The following PIGN variants were observed in gnomAD, a reference collection of about 807,000 sequenced individuals.
PIGN encodes phosphatidylinositol glycan anchor biosynthesis class N.
Under a neutral mutation model 125.4 loss-of-function variants are expected in PIGN, and 117 were observed. The ratio of observed to expected loss-of-function variants is 0.93; its 90% CI spans 0.80 to 1.09. The LOEUF is 1.09. PIGN is among the 50% of genes least tolerant of loss of function. The probability of loss-of-function intolerance (pLI) is 0.00; values close to 1 mark genes in which losing one functional copy is unlikely to be tolerated. For synonymous variants in PIGN, 392 were observed against 377.8 expected, an observed-to-expected ratio of 1.04 and a Z score of -0.44; for missense variants, 1,075 against 1,094.9, an observed-to-expected ratio of 0.98 and a Z score of 0.26.
At chr18:62,144,879 T>C (rs1382123689) in intron 10 of PIGN, among the ~76,000 whole-genome samples, 1 of 152,116 alleles carries the variant, frequency 6.6e-6, no homozygotes, top group African/African-American at 2.4e-5. Context: ...GGCAGGAAGA[T>C]TGCTTGAGCC....
At chr18:62,166,416 C>T (rs538111039) in intron 1 of PIGN, among the ~76,000 whole-genome samples, 13 of 152,114 alleles carry the variant, frequency 8.5e-5, no homozygotes, top group Admixed American at 3.9e-4. Flanking sequence ...TATTTAGTGG[C>T]GAGGCTGTGG....
At chr18:62,105,370 G>T (rs1397762362) in intron 20 of PIGN, 173 bp downstream of exon 20, 1 of 419,418 alleles carries the variant, frequency 2.4e-6, no homozygotes. Flanking sequence ...GAGGTTTAAT[G>T]ACTCTTAGAA....
chr18:62,018,695 C>T (rs532475056), intron 23 of PIGN, among the ~76,000 whole-genome samples: 1 of 152,276 alleles, frequency 6.6e-6, no homozygotes, highest in Non-Finnish European at 1.5e-5. Flanking sequence ...CCAGAGGAAG[C>T]AGTACATTTT....
At chr18:62,138,211 T>A in intron 14 of PIGN, 32 bp downstream of exon 14, 1 of 1,539,434 alleles carries the variant, frequency 6.5e-7, no homozygotes, top group Non-Finnish European at 8.7e-7. Flanking sequence ...AATTCTTTCC[T>A]TCAAGTTAAT....
intron 23 of PIGN, among the ~76,000 whole-genome samples, chr18:62,093,287 A>G (rs2034045816): frequency 6.6e-6 from 1 of 152,128 alleles, no homozygotes; most frequent in Non-Finnish European, 1.5e-5. Flanking sequence ...TTTCTTTTGT[A>G]AAATGGAGAT....
chr18:62,115,435 T>C (rs977635027), intron 14 of PIGN, among the ~76,000 whole-genome samples: 1 of 152,208 alleles, frequency 6.6e-6, no homozygotes, highest in Non-Finnish European at 1.5e-5. Context: ...CTAAAATGAA[T>C]GGCTTTACAT....
At chr18:62,039,267 G>T (rs187479915), downstream of PIGN, among the ~76,000 whole-genome samples, 1 of 151,952 alleles carries the variant, frequency 6.6e-6, no homozygotes, top group Non-Finnish European at 1.5e-5. Flanking sequence ...AATACAGAGG[G>T]TTCCAACACA....
At chr18:62,024,280 C>A (rs1262448585) in intron 23 of PIGN, among the ~76,000 whole-genome samples, 1 of 152,176 alleles carries the variant, frequency 6.6e-6, no homozygotes, top group Non-Finnish European at 1.5e-5. Context: ...ACAAAGAAGT[C>A]AAGTTCTCTC....
chr18:62,090,284 G>A (rs1387273191), intron 24 of PIGN, among the ~76,000 whole-genome samples, 192 bp downstream of exon 24: 1 of 152,002 alleles, frequency 6.6e-6, no homozygotes, highest in Non-Finnish European at 1.5e-5. Context: ...CAACAAAATT[G>A]TGCTTTTCTG....
chr18:62,138,216 G>GTCC, intron 14 of PIGN, 27 bp downstream of exon 14: 2 of 1,539,020 alleles, frequency 1.3e-6, no homozygotes, highest in Non-Finnish European at 1.7e-6. Flanking sequence ...TTTCCTTCAA[G>GTCC]TTAATAAAAA....
chr18:62,066,022 T>G (rs963894754), intron 30 of PIGN, among the ~76,000 whole-genome samples: 2 of 149,628 alleles, frequency 1.3e-5, no homozygotes, highest in African/African-American at 4.9e-5. Flanking sequence ...AAAGCCCTTT[T>G]GGGTCTTACT....
At chr18:62,141,960 C>T (rs1376306096) in intron 11 of PIGN, among the ~76,000 whole-genome samples, 1 of 152,188 alleles carries the variant, frequency 6.6e-6, no homozygotes, top group Non-Finnish European at 1.5e-5. Context: ...CCTTGGCCTG[C>T]TAATTCCTGC....
At chr18:62,061,511 CAAAAAAAA>C (rs373391589) in intron 30 of PIGN, among the ~76,000 whole-genome samples, 4 of 33,212 alleles carry the variant, frequency 1.2e-4, no homozygotes, top group Non-Finnish European at 1.5e-4. Context: ...GACTCCGTCT[CAAAAAAAA>C]AAAAAAAAAA....
At chr18:62,147,775 A>G (rs1209430157) in intron 8 of PIGN, among the ~76,000 whole-genome samples, 1 of 152,182 alleles carries the variant, frequency 6.6e-6, no homozygotes, top group Non-Finnish European at 1.5e-5. Context: ...GTGTTATTGA[A>G]TTATGGTATA....
intron 23 of PIGN, among the ~76,000 whole-genome samples, chr18:62,023,742 G>C (rs1287225884): frequency 6.6e-6 from 1 of 152,172 alleles, no homozygotes; most frequent in African/African-American, 2.4e-5. Context: ...AGACAAGAAG[G>C]CAACACAACT....
At chr18:62,159,484 G>C (rs1157102448) in intron 4 of PIGN, among the ~76,000 whole-genome samples, 1 of 151,950 alleles carries the variant, frequency 6.6e-6, no homozygotes, top group Non-Finnish European at 1.5e-5. Context: ...CTTTCCTTTG[G>C]CAACTAAGAA....
intron 14 of PIGN, among the ~76,000 whole-genome samples, chr18:62,117,075 G>A (rs752215562): frequency 2.0e-5 from 3 of 152,022 alleles, no homozygotes; most frequent in Non-Finnish European, 1.5e-5. Context: ...TATAAAACTT[G>A]GGACATGCCA....
rs549412745 is a variant in PIGN at position 62,047,332 on chromosome 18, A to G, written c.2673-1353T>C. ...GTCCATACCTGGAGGATGTCAGTGG[A>G]CATCACGTGGGGAGCCTAGACTTCC... is the stretch of plus-strand genomic sequence containing the variant. On this transcript the variant is annotated intron_variant, in intron 30 of 30. Transcript: ENST00000640252. 1.3e-3 allele frequency among the ~76,000 whole-genome samples: 191 copies of G among 152,298 alleles called. 1 individual carries two copies. Among genetic ancestry groups the G allele is most frequent in the Non-Finnish European group, 2.2e-3 (152 of 68,032 alleles).
intron 1 of PIGN, among the ~76,000 whole-genome samples, chr18:62,178,941 G>A (rs2037621871): frequency 6.6e-6 from 1 of 152,092 alleles, no homozygotes; most frequent in African/African-American, 2.4e-5. Flanking sequence ...GGATACCACA[G>A]GGCAGCTAGT....
Sources: gnomAD v4.1 joint callset for allele counts (sites outside exome capture counted in the v4.1 genomes callset) on GRCh38, gnomAD v4.1.1 for gene constraint, MANE v1.5 for transcripts, NCBI Gene and HGNC (gene_info 2026-07-23, HGNC 2026-07-21) for gene names.